The following EXOC6B variants were observed in gnomAD, a reference collection of about 807,000 sequenced individuals.
EXOC6B encodes the protein SEC15 homolog B.
A neutral mutation model predicts 113.5 loss-of-function variants in EXOC6B; 54 were observed. That is an observed-to-expected ratio of 0.48 (90% CI 0.38 to 0.60). The LOEUF (loss-of-function observed/expected upper bound fraction) is 0.60. Among genes scored for constraint, EXOC6B ranks in the 20% least tolerant of loss-of-function variants. The pLI, the probability that EXOC6B is intolerant of heterozygous loss-of-function variation, is 0.00. For missense variants in EXOC6B, 797 were observed against 977.5 expected, an observed-to-expected ratio of 0.82 and a Z score of 2.46; for synonymous variants, 357 against 339.0, an observed-to-expected ratio of 1.05 and a Z score of -0.58.
At chr2:72,286,644 A>G (rs181002492) in intron 20 of EXOC6B, among the ~76,000 whole-genome samples, 1 of 152,274 alleles carries the variant, frequency 6.6e-6, no homozygotes, top group Non-Finnish European at 1.5e-5. Context: ...CAAATTATCA[A>G]TTTTGGGTGA....
chr2:72,660,502 T>C (rs115711195), intron 6 of EXOC6B, among the ~76,000 whole-genome samples: 134 of 152,314 alleles, frequency 8.8e-4, no homozygotes, highest in Middle Eastern at 6.8e-3. Context: ...TCTCCACCAA[T>C]GCATTTGATT....
chr2:72,546,326 G>A (rs184307033), intron 8 of EXOC6B, among the ~76,000 whole-genome samples: 4 of 152,284 alleles, frequency 2.6e-5, no homozygotes, highest in Admixed American at 6.5e-5. Context: ...GCACGTGCCT[G>A]TAATTCTAGC....
intron 5 of EXOC6B, among the ~76,000 whole-genome samples, chr2:72,725,697 A>G (rs1680257550): frequency 6.6e-6 from 1 of 152,184 alleles, no homozygotes; most frequent in South Asian, 2.1e-4. Flanking sequence ...TGGCCTGGGT[A>G]GACAATAATA....
intron 19 of EXOC6B, among the ~76,000 whole-genome samples, chr2:72,355,238 G>T (rs1005842357): frequency 6.6e-6 from 1 of 151,984 alleles, no homozygotes; most frequent in African/African-American, 2.4e-5. Context: ...ATATATAATT[G>T]CCAACTTATT....
chr2:72,272,561 G>A (rs1025947107), intron 20 of EXOC6B, among the ~76,000 whole-genome samples: 1 of 152,092 alleles, frequency 6.6e-6, no homozygotes, highest in African/African-American at 2.4e-5. Context: ...TTGGTGTGCC[G>A]TGTTTTCGTC....
At chr2:72,193,399 G>A (rs1678974875) in intron 20 of EXOC6B, among the ~76,000 whole-genome samples, 1 of 152,126 alleles carries the variant, frequency 6.6e-6, no homozygotes, top group African/African-American at 2.4e-5. Context: ...GGCATCCTGA[G>A]TCTGCCTCCT....
intron 18 of EXOC6B, among the ~76,000 whole-genome samples, chr2:72,454,454 G>C (rs1697095111): frequency 6.6e-6 from 1 of 152,034 alleles, no homozygotes; most frequent in African/African-American, 2.4e-5. Context: ...GCAGTGAGCT[G>C]TTATCACATC....
intron 11 of EXOC6B, among the ~76,000 whole-genome samples, chr2:72,504,838 A>G (rs1700513322): frequency 6.6e-6 from 1 of 152,110 alleles, no homozygotes; most frequent in Admixed American, 6.6e-5. Flanking sequence ...TCTAATTTGC[A>G]TTTTACCAAT....
chr2:72,690,566 A>T (rs981082691), intron 6 of EXOC6B, among the ~76,000 whole-genome samples: 1 of 152,218 alleles, frequency 6.6e-6, no homozygotes, highest in Non-Finnish European at 1.5e-5. Flanking sequence ...TACTGACTTT[A>T]CTAACTTACC....
At chr2:72,222,722 G>C (rs1205590718) in intron 20 of EXOC6B, among the ~76,000 whole-genome samples, 1 of 152,044 alleles carries the variant, frequency 6.6e-6, no homozygotes, top group Non-Finnish European at 1.5e-5. Context: ...CATTTTTGTG[G>C]AAAATATTAT....
At chr2:72,580,135 A>ATTTTTTTTTTT (rs1205164863) in intron 6 of EXOC6B, among the ~76,000 whole-genome samples, 1 of 93,764 alleles carries the variant, frequency 1.1e-5, no homozygotes, top group Non-Finnish European at 2.1e-5. Flanking sequence ...AGAAATAAGA[A>ATTTTTTTTTTT]TTTTTTTTTT....
At chr2:72,430,771 T>A (rs1222899180) in intron 18 of EXOC6B, among the ~76,000 whole-genome samples, 1 of 152,204 alleles carries the variant, frequency 6.6e-6, no homozygotes, top group African/African-American at 2.4e-5. Flanking sequence ...ATAAATAACC[T>A]TGATTAAAGG....
At chr2:72,459,162 T>C (rs1319495697) in intron 18 of EXOC6B, among the ~76,000 whole-genome samples, 1 of 152,164 alleles carries the variant, frequency 6.6e-6, no homozygotes, top group Non-Finnish European at 1.5e-5. Context: ...ACAACCTTCA[T>C]GCTAAAAACT....
At chr2:72,524,658 G>A (rs1283339463) in intron 8 of EXOC6B, among the ~76,000 whole-genome samples, 1 of 152,076 alleles carries the variant, frequency 6.6e-6, no homozygotes, top group Non-Finnish European at 1.5e-5. Context: ...TTGAAAGGAT[G>A]GATACCCCAT....
chr2:72,497,862 T>C (rs917108429), intron 13 of EXOC6B, among the ~76,000 whole-genome samples: 1 of 152,144 alleles, frequency 6.6e-6, no homozygotes, highest in Non-Finnish European at 1.5e-5. Flanking sequence ...AAGAGCACAG[T>C]TCGAGAAGAC....
At chr2:72,401,182 C>T (rs1693126062) in intron 18 of EXOC6B, among the ~76,000 whole-genome samples, 2 of 151,218 alleles carry the variant, frequency 1.3e-5, no homozygotes, top group African/African-American at 4.9e-5. Context: ...TATATATGGC[C>T]AGGCGTGGTA....
At chr2:72,729,293 C>T (rs1680492821) in intron 5 of EXOC6B, among the ~76,000 whole-genome samples, 1 of 151,212 alleles carries the variant, frequency 6.6e-6, no homozygotes, top group Admixed American at 6.6e-5. Context: ...ATATATACCT[C>T]TTTCTGTCCA....
At chr2:72,363,527 T>C (rs1457277080) in intron 19 of EXOC6B, among the ~76,000 whole-genome samples, 1 of 152,116 alleles carries the variant, frequency 6.6e-6, no homozygotes, top group Non-Finnish European at 1.5e-5. Flanking sequence ...AAGTTTCAAG[T>C]ACTCTGCAAA....
chr2:72,467,656 G>C (rs983249188), intron 17 of EXOC6B, among the ~76,000 whole-genome samples: 31 of 152,140 alleles, frequency 2.0e-4, no homozygotes, highest in African/African-American at 7.2e-4. Flanking sequence ...CAAAAGCTTT[G>C]CCCATTTTCT....
Sources: allele counts gnomAD v4.1 joint callset (sites outside exome capture counted in the v4.1 genomes callset), GRCh38; gene constraint gnomAD v4.1.1; transcripts MANE v1.5; gene names NCBI Gene and HGNC (gene_info 2026-07-23, HGNC 2026-07-21).